Variants in WDPCP observed in about 807,000 individuals in gnomAD.
WDPCP encodes the protein WD repeat containing planar cell polarity effector.
In WDPCP, 71 loss-of-function variants were observed where a neutral mutation model predicts 93.1. The observed-to-expected ratio is 0.76, with a 90% CI of 0.63 to 0.93. WDPCP has a LOEUF of 0.93. Among genes scored for constraint, WDPCP ranks in the 40% least tolerant of loss-of-function variants. The pLI, the probability that WDPCP is intolerant of heterozygous loss-of-function variation, is 0.00. For synonymous variants in WDPCP, 315 were observed against 315.0 expected, an observed-to-expected ratio of 1.00 and a Z score of 0.00; for missense variants, 844 against 887.4, an observed-to-expected ratio of 0.95 and a Z score of 0.62.
intron 12 of WDPCP, among the ~76,000 whole-genome samples, chr2:63,334,426 G>A (rs1688205951): frequency 1.3e-5 from 2 of 152,162 alleles, no homozygotes; most frequent in African/African-American, 2.4e-5. Context: ...ATGAACATTG[G>A]TTCGGTCCAG....
intron 1 of WDPCP, among the ~76,000 whole-genome samples, chr2:63,549,350 G>A (rs987444973): frequency 6.6e-6 from 1 of 151,234 alleles, no homozygotes. Flanking sequence ...GTAATTGGAA[G>A]GAAATAATAA....
intron 2 of WDPCP, among the ~76,000 whole-genome samples, chr2:63,806,624 T>C (rs937020792): frequency 6.6e-6 from 1 of 152,186 alleles, no homozygotes; most frequent in African/African-American, 2.4e-5. Context: ...CGAGTCTATC[T>C]GACCTCTGCA....
rs773433756 is a variant in WDPCP at position 63,263,486 on chromosome 2, C to T, written c.1813-4077G>A. ...TCTCTGTCTCATGTGTTTACTCTGC[C>T]GTCTACCCTTCACCATGGGATCACT... On this transcript the variant is annotated intron_variant, in intron 13 of 17. Coordinates refer to ENST00000272321, the MANE Select transcript of WDPCP (RefSeq NM_015910.7). 5.9e-5 allele frequency among the ~76,000 whole-genome samples: 9 copies of T among 152,140 alleles called. No individual in the cohort carries two copies. The East Asian group carries it at 1.2e-3, about 20-fold the overall frequency.
At chr2:63,278,940 G>T (rs1683293278) in intron 13 of WDPCP, among the ~76,000 whole-genome samples, 1 of 152,094 alleles carries the variant, frequency 6.6e-6, no homozygotes, top group African/African-American at 2.4e-5. Context: ...TTAAACCAGG[G>T]AGATATATAA....
At chr2:63,409,521 C>T (rs922199773) in intron 9 of WDPCP, among the ~76,000 whole-genome samples, 1 of 152,070 alleles carries the variant, frequency 6.6e-6, no homozygotes, top group African/African-American at 2.4e-5. Context: ...CACACTAGGT[C>T]GCCAGCAATG....
chr2:63,458,739 T>C (rs978180772), intron 6 of WDPCP, among the ~76,000 whole-genome samples: 1 of 152,104 alleles, frequency 6.6e-6, no homozygotes, highest in Non-Finnish European at 1.5e-5. Flanking sequence ...TCCTAAAATT[T>C]GTATGGAACC....
At chr2:63,747,393 AT>A (rs1669815338) in intron 2 of WDPCP, among the ~76,000 whole-genome samples, 1 of 151,922 alleles carries the variant, frequency 6.6e-6, no homozygotes, top group Non-Finnish European at 1.5e-5. Context: ...TTTCCTATGT[AT>A]TTTTTTAAAG....
upstream of WDPCP, chr2:63,593,583 A>G: frequency 4.2e-6 from 2 of 471,598 alleles, no homozygotes; most frequent in Non-Finnish European, 4.4e-6. Context: ...AAAGAAACCA[A>G]ACACTTCTGG....
chr2:63,369,869 G>A (rs573577267), intron 12 of WDPCP, among the ~76,000 whole-genome samples: 4 of 151,954 alleles, frequency 2.6e-5, no homozygotes, highest in African/African-American at 4.8e-5. Context: ...TTTAGAATAC[G>A]AACAACATAA....
chr2:63,779,733 G>A (rs886766773), intron 2 of WDPCP, among the ~76,000 whole-genome samples: 4 of 152,132 alleles, frequency 2.6e-5, no homozygotes, highest in African/African-American at 9.7e-5. Flanking sequence ...TGCAAAGAGA[G>A]GAGGCAGTTT....
intron 12 of WDPCP, among the ~76,000 whole-genome samples, chr2:63,313,879 TATATATA>T (rs1323383279): frequency 2.7e-5 from 2 of 73,410 alleles, no homozygotes; most frequent in South Asian, 4.9e-4. Flanking sequence ...TATATATATA[TATATATA>T]TTTTTTTTTT....
In WDPCP at chr2:63,536,181, T is replaced by C. The variant is rs551970130; in HGVS notation, c.76-43241A>G. On this transcript the variant is annotated intron_variant, in intron 1 of 17. Transcript: ENST00000272321. ...CAATGAGATACCATCTCACACCAGTTAGAATGGCGATCATTAAAAAGTCAG... is the reference window on the plus strand; with the variant it reads ...CAATGAGATACCATCTCACACCAGTCAGAATGGCGATCATTAAAAAGTCAG... 1.2e-4 allele frequency among the ~76,000 whole-genome samples: 19 copies of C among 152,288 alleles called. No individual in the cohort carries two copies. The South Asian group carries it at 3.7e-3, about 30-fold the overall frequency.
intron 2 of WDPCP, among the ~76,000 whole-genome samples, chr2:63,793,243 T>A (rs1670568675): frequency 6.6e-6 from 1 of 151,962 alleles, no homozygotes; most frequent in Non-Finnish European, 1.5e-5. Flanking sequence ...TGCCTCAGCC[T>A]CCTGTGTAGC....
chr2:63,487,653 C>T (rs1010772564), intron 2 of WDPCP, among the ~76,000 whole-genome samples, 159 bp from the exon 3 acceptor site: 3 of 151,950 alleles, frequency 2.0e-5, no homozygotes, highest in Admixed American at 2.0e-4. Context: ...GAGATGAGTT[C>T]GTCTATTCTA....
intron 2 of WDPCP, among the ~76,000 whole-genome samples, chr2:63,746,599 G>T (rs1669801411): frequency 6.6e-6 from 1 of 152,048 alleles, no homozygotes; most frequent in Admixed American, 6.6e-5. Flanking sequence ...CATTCCCAGG[G>T]GGGGCCTCTA....
At chr2:63,577,690 A>T (rs1049446875) in intron 1 of WDPCP, among the ~76,000 whole-genome samples, 1 of 152,150 alleles carries the variant, frequency 6.6e-6, no homozygotes, top group African/African-American at 2.4e-5. Flanking sequence ...ATCCCCTCTA[A>T]AATTTTAAAC....
chr2:63,663,549 T>C (rs1156310943), intron 2 of WDPCP, among the ~76,000 whole-genome samples: 1 of 152,192 alleles, frequency 6.6e-6, no homozygotes, highest in African/African-American at 2.4e-5. Context: ...TTGCAGATTA[T>C]AGATGAGATA....
chr2:63,479,016 C>T (rs924309575), intron 6 of WDPCP, among the ~76,000 whole-genome samples: 4 of 149,626 alleles, frequency 2.7e-5, no homozygotes, highest in Non-Finnish European at 5.9e-5. Context: ...ACCAATACCA[C>T]AGAAATACAA....
intron 1 of WDPCP, among the ~76,000 whole-genome samples, chr2:63,513,624 A>T (rs939468062): frequency 7.2e-5 from 11 of 152,126 alleles, no homozygotes; most frequent in Non-Finnish European, 1.6e-4. Context: ...TAAAACCTAG[A>T]AAGGTTACTA....
Sources: allele counts gnomAD v4.1 joint callset (sites outside exome capture counted in the v4.1 genomes callset), GRCh38; gene constraint gnomAD v4.1.1; transcripts MANE v1.5; gene names NCBI Gene and HGNC (gene_info 2026-07-23, HGNC 2026-07-21).